Variants in RGSL1 observed in about 807,000 individuals in gnomAD.
RGSL1 encodes regulator of G protein signaling like 1.
A neutral mutation model predicts 124.7 loss-of-function variants in RGSL1; 97 were observed. The ratio of observed to expected loss-of-function variants is 0.78; its 90% CI spans 0.66 to 0.92. RGSL1 has a LOEUF of 0.92. Ranked by LOEUF, RGSL1 falls within the 40% of genes least tolerant of loss-of-function variation. RGSL1 has a pLI of 0.00. For missense variants in RGSL1, 1,233 were observed against 1,288.4 expected (o/e 0.96, Z 0.66); for synonymous variants, 424 against 438.1 (o/e 0.97, Z 0.40).
intron 8 of RGSL1, among the ~76,000 whole-genome samples, 189 bp downstream of exon 8, chr1:182,489,391 G>A (rs1655356184): frequency 6.6e-6 from 1 of 152,158 alleles, no homozygotes; most frequent in African/African-American, 2.4e-5. Flanking sequence ...ACCTCCCCAG[G>A]GTCAGAGTAA....
intron 14 of RGSL1, among the ~76,000 whole-genome samples, chr1:182,535,895 C>T (rs776321406): frequency 6.6e-6 from 1 of 152,148 alleles, no homozygotes; most frequent in Non-Finnish European, 1.5e-5. Flanking sequence ...CTTGCTTCAT[C>T]ACAAGAAATT....
intron 4 of RGSL1, among the ~76,000 whole-genome samples, chr1:182,466,132 AT>A (rs1653309311): frequency 6.6e-6 from 1 of 151,906 alleles, no homozygotes; most frequent in African/African-American, 2.4e-5. Flanking sequence ...TGAAAAAAAA[AT>A]GTCCAACGAA....
At chr1:182,449,451 G>T (rs1402420965), upstream of RGSL1, among the ~76,000 whole-genome samples, 2 of 152,182 alleles carry the variant, frequency 1.3e-5, no homozygotes, top group African/African-American at 4.8e-5. Context: ...TGACACTGAA[G>T]AATTCTATTC....
chr1:182,497,680 T>C (rs1409738742), intron 9 of RGSL1, among the ~76,000 whole-genome samples: 1 of 152,198 alleles, frequency 6.6e-6, no homozygotes, highest in East Asian at 1.9e-4. Context: ...ATTTATTGAA[T>C]GTCATCTTAC....
At chr1:182,516,443 C>T (rs992865556) in intron 9 of RGSL1, among the ~76,000 whole-genome samples, 1 of 152,196 alleles carries the variant, frequency 6.6e-6, no homozygotes. Flanking sequence ...AGCTCATTTA[C>T]ATTCAGTGTT....
chr1:182,448,521 G>T (rs143840052), upstream of RGSL1, among the ~76,000 whole-genome samples: 2 of 152,146 alleles, frequency 1.3e-5, no homozygotes, highest in East Asian at 3.9e-4. Flanking sequence ...ACTGCATCTG[G>T]CCCCAATATT....
intron 14 of RGSL1, among the ~76,000 whole-genome samples, chr1:182,533,275 T>C (rs918007075): frequency 8.1e-6 from 1 of 122,726 alleles, no homozygotes; most frequent in Non-Finnish European, 1.6e-5. Flanking sequence ...TGATGCCACA[T>C]ATTTGATTTG....
rs151152638 is a variant in RGSL1, at chr1:182,461,896, A to G, written c.301+1763A>G. 7.3e-3 allele frequency among the ~76,000 whole-genome samples: 1,112 copies of G among 152,270 alleles called. 13 individuals are homozygous for G. Among genetic ancestry groups the G allele is most frequent in the Middle Eastern group, 0.037 (11 of 294 alleles). On this transcript the variant is annotated intron_variant, in intron 4 of 21. Transcript: ENST00000294854. ...CCATCAGGCAGGCCAACACACACAT[A>G]CATTATGGAAGTCTAGAAAAAGAGT...
At position 182,556,107 on chromosome 1, in the gene RGSL1, C is replaced by T; in HGVS notation, c.*50C>T. On this transcript the variant is annotated 3_prime_UTR_variant, in exon 21 of 22. Transcript: ENST00000294854. ...AAATCATCTCTTAGAGGCCTCCTAA[C>T]ACTGACAGAAACTTTTCTGGTCAAA... 6.6e-7 allele frequency: 1 copy of T among 1,506,450 alleles called. No homozygotes were observed. The highest frequency in any genetic ancestry group is 9.0e-7 in the Non-Finnish European group (1 of 1,113,546). 93.3% of individuals were successfully genotyped at this position (1,506,450 alleles called of 1,614,324 possible). A position where few individuals can be genotyped will look rare whatever the true frequency, so the allele number is the denominator to read the frequency against.
chr1:182,535,793 T>C (rs1659497988), intron 14 of RGSL1, among the ~76,000 whole-genome samples: 1 of 152,178 alleles, frequency 6.6e-6, no homozygotes, highest in South Asian at 2.1e-4. Context: ...TTAGAATCAG[T>C]TTTTAAGCTA....
intron 9 of RGSL1, among the ~76,000 whole-genome samples, chr1:182,507,830 A>G (rs903264955): frequency 6.6e-6 from 1 of 151,972 alleles, no homozygotes; most frequent in African/African-American, 2.4e-5. Context: ...AGCCTCCTCA[A>G]GTAGTTGGGA....
At chr1:182,508,675 T>G (rs1307361776) in intron 9 of RGSL1, among the ~76,000 whole-genome samples, 1 of 4,400 alleles carries the variant, frequency 2.3e-4, no homozygotes, top group African/African-American at 8.4e-4. Context: ...ACTATTTGTT[T>G]TTTTTTTTTT....
intron 9 of RGSL1, among the ~76,000 whole-genome samples, chr1:182,515,710 A>C (rs1315541094): frequency 6.6e-6 from 1 of 152,330 alleles, no homozygotes; most frequent in East Asian, 1.9e-4. Flanking sequence ...GGCACTGGCC[A>C]GCTGGCTACG....
At position 182,530,913 on chromosome 1, in the gene RGSL1, T is replaced by A. The variant is rs1169802526; in HGVS notation, c.2364+3T>A. Reference sequence around the variant, plus strand: ...CAACTTACCTACAGGAATCCCAGGTTAGTGAAGAAGAAAGTGAAACAAGAC... The same window carrying A: ...CAACTTACCTACAGGAATCCCAGGTAAGTGAAGAAGAAAGTGAAACAAGAC... On this transcript the variant is annotated splice_donor_region_variant and intron_variant, in intron 13 of 21. Coordinates refer to ENST00000294854, the MANE Select transcript of RGSL1 (RefSeq NM_001137669.2). 3 of 1,545,576 alleles carry A rather than the reference T, an allele frequency of 1.9e-6. No homozygotes were observed. In the South Asian group the frequency reaches 3.6e-5, roughly 19 times the overall value.
chr1:182,487,949 G>C (rs1019703850), intron 6 of RGSL1, among the ~76,000 whole-genome samples: 1 of 152,098 alleles, frequency 6.6e-6, no homozygotes, highest in African/African-American at 2.4e-5. Flanking sequence ...TGGTTTTCAG[G>C]GCCATTTTGA....
intron 10 of RGSL1, among the ~76,000 whole-genome samples, chr1:182,524,944 A>G (rs1658632699): frequency 6.6e-6 from 1 of 152,206 alleles, no homozygotes; most frequent in African/African-American, 2.4e-5. Flanking sequence ...GAACCCAGTT[A>G]TCTATTTATC....
intron 6 of RGSL1, among the ~76,000 whole-genome samples, chr1:182,483,876 G>A (rs773351447): frequency 6.6e-6 from 1 of 152,060 alleles, no homozygotes; most frequent in Non-Finnish European, 1.5e-5. Context: ...TCTACCCTGA[G>A]GGACAGAGCA....
Position 182,546,697 on chromosome 1 carries a change from A to G in RGSL1, c.2670-1620A>G, listed in dbSNP as rs1031301434. Among the ~76,000 whole-genome samples, 8 of 152,256 alleles carry G rather than the reference A, an allele frequency of 5.3e-5. 1 individual carries two copies. Among genetic ancestry groups the G allele is most frequent in the East Asian group, 1.9e-4 (1 of 5,184 alleles). ...TGAGCCACTGCACCCAGCCAACAACACTTTTTTAAAAAGCTACTTGCCTTC... is the reference window on the plus strand; with the variant it reads ...TGAGCCACTGCACCCAGCCAACAACGCTTTTTTAAAAAGCTACTTGCCTTC... On this transcript the variant is annotated intron_variant, in intron 15 of 21. Coordinates refer to ENST00000294854, the MANE Select transcript of RGSL1 (RefSeq NM_001137669.2).
Position 182,522,046 on chromosome 1 carries a change from G to A in RGSL1, c.1868G>A (p.Arg623His), listed in dbSNP as rs376780279. ...ATCAAGGAAACAAAGACAGTTTCAC[G>A]CTCAAATAGGAAAATGTCCTTGCTC... ...EIIKETKTVS[R>H]SNRKMSLLKR... is the part of the protein sequence containing the mutation. Residue 623 changes from arginine to histidine, a missense_variant, in exon 10 of 22, where the codon CGC (arginine) becomes CAC (histidine). Physicochemically the swap from Arg to His is conservative, Grantham distance 29. Coordinates refer to ENST00000294854, the MANE Select transcript of RGSL1 (RefSeq NM_001137669.2). The A allele has an allele frequency of 1.6e-5, 25 of 1,548,398 alleles. No homozygotes were observed. Among genetic ancestry groups the A allele is most frequent in the East Asian group, 4.9e-5 (2 of 40,796 alleles).
Sources: gnomAD v4.1 joint callset for allele counts (sites outside exome capture counted in the v4.1 genomes callset) on GRCh38, gnomAD v4.1.1 for gene constraint, MANE v1.5 for transcripts, NCBI Gene and HGNC (gene_info 2026-07-23, HGNC 2026-07-21) for gene names.